PTPRT: variants seen among roughly 807,000 people sequenced by gnomAD.
The protein encoded by PTPRT is protein tyrosine phosphatase receptor type T, also known as receptor-type tyrosine-protein phosphatase T.
In PTPRT, 56 loss-of-function variants were observed where a neutral mutation model predicts 176.8. That is an observed-to-expected ratio of 0.32 (90% CI 0.26 to 0.40). PTPRT has a LOEUF of 0.40. PTPRT is among the 10% of genes least tolerant of loss of function. PTPRT has a pLI of 1.00. For synonymous variants in PTPRT, 783 were observed against 739.0 expected, an observed-to-expected ratio of 1.06 and a Z score of -0.96; for missense variants, 1,540 against 1,908.2, an observed-to-expected ratio of 0.81 and a Z score of 3.60.
In PTPRT at chr20:42,682,422, G is replaced by T. The variant is rs1325840672; in HGVS notation, c.860-4263C>A. ...CTCTTATCAGCACCATCAGATGCTT[G>T]AATTCCTAACAGTTTTTCAAACAAG... On this transcript the variant is annotated intron_variant, in intron 6 of 30. Transcript: ENST00000373187. Among the ~76,000 whole-genome samples the T allele has an allele frequency of 2.6e-5, 4 of 152,254 alleles. No homozygotes were observed. In the South Asian group the frequency reaches 8.3e-4, roughly 32 times the overall value.
intron 12 of PTPRT, among the ~76,000 whole-genome samples, chr20:42,313,017 G>A (rs1308738226): frequency 6.6e-6 from 1 of 151,942 alleles, no homozygotes; most frequent in African/African-American, 2.4e-5. Context: ...TAGGAAGTCG[G>A]TACAAGATAC....
chr20:42,905,263 G>A (rs912150996), intron 1 of PTPRT, among the ~76,000 whole-genome samples: 15 of 152,240 alleles, frequency 9.9e-5, no homozygotes, highest in African/African-American at 3.4e-4. Context: ...AAAGGATATG[G>A]CCAGACACTT....
At chr20:43,123,819 G>A (rs975252952) in intron 1 of PTPRT, among the ~76,000 whole-genome samples, 2 of 152,194 alleles carry the variant, frequency 1.3e-5, no homozygotes, top group South Asian at 4.1e-4. Flanking sequence ...CTCTTTTGTA[G>A]TATATCTTAA....
chr20:42,402,701 G>A (rs918967940), intron 9 of PTPRT, among the ~76,000 whole-genome samples: 1 of 151,988 alleles, frequency 6.6e-6, no homozygotes, highest in African/African-American at 2.4e-5. Context: ...ATAATGCTTG[G>A]TGTGGATTGT....
chr20:42,909,233 A>G (rs2079515921), intron 1 of PTPRT, among the ~76,000 whole-genome samples: 1 of 152,158 alleles, frequency 6.6e-6, no homozygotes, highest in Non-Finnish European at 1.5e-5. Context: ...CCTATCATCT[A>G]TCATTGCTCT....
In PTPRT at chr20:42,885,954, G is replaced by A. The variant is rs371603350; in HGVS notation, c.89-22C>T. On this transcript the variant is annotated intron_variant, in intron 1 of 30. Transcript: ENST00000373187. ...CCACCTGTAGACAAAAGAGATATGG[G>A]TAAATACATTCCCGTGTCTGAGGCT... 4 of 1,580,364 alleles carry A rather than the reference G, an allele frequency of 2.5e-6. No homozygotes were observed. The African/African-American group carries it at 5.4e-5, about 21-fold the overall frequency.
chr20:42,136,199 T>C (rs6130052), intron 18 of PTPRT, among the ~76,000 whole-genome samples: 7,659 of 150,534 alleles, frequency 0.051, 330 homozygotes, highest in East Asian at 0.19. Flanking sequence ...TTTCTTCCTG[T>C]CTTCTGGGCA....
intron 7 of PTPRT, among the ~76,000 whole-genome samples, chr20:42,528,606 CAT>C (rs949517633): frequency 6.6e-6 from 1 of 152,150 alleles, no homozygotes; most frequent in Non-Finnish European, 1.5e-5. Flanking sequence ...TCTGATGAAT[CAT>C]GTGTATGTTA....
chr20:43,026,985 T>G (rs988922870), intron 1 of PTPRT, among the ~76,000 whole-genome samples: 1 of 152,228 alleles, frequency 6.6e-6, no homozygotes, highest in Non-Finnish European at 1.5e-5. Context: ...TGATGGACAC[T>G]CAGTTGCTTC....
At chr20:42,980,571 G>A (rs1169998023) in intron 1 of PTPRT, among the ~76,000 whole-genome samples, 2 of 152,176 alleles carry the variant, frequency 1.3e-5, no homozygotes, top group Non-Finnish European at 2.9e-5. Flanking sequence ...TCTCTAAATG[G>A]TGACAGACTT....
chr20:42,253,876 T>A (rs2056590817), intron 13 of PTPRT, among the ~76,000 whole-genome samples: 1 of 152,170 alleles, frequency 6.6e-6, no homozygotes, highest in Non-Finnish European at 1.5e-5. Flanking sequence ...TGCTGCTGCA[T>A]CCTGCTGTCT....
intron 1 of PTPRT, among the ~76,000 whole-genome samples, chr20:43,098,450 A>C (rs1358320338): frequency 1.3e-5 from 2 of 152,168 alleles, no homozygotes; most frequent in Non-Finnish European, 2.9e-5. Context: ...AATATTACCC[A>C]ATCCCCTAAG....
intron 1 of PTPRT, among the ~76,000 whole-genome samples, chr20:43,060,306 G>T (rs1987403370): frequency 6.6e-6 from 1 of 152,150 alleles, no homozygotes; most frequent in Non-Finnish European, 1.5e-5. Flanking sequence ...GTCTGGTGAG[G>T]ACCTGCGTCC....
intron 1 of PTPRT, among the ~76,000 whole-genome samples, chr20:42,938,424 C>T (rs1328474695): frequency 6.6e-6 from 1 of 152,168 alleles, no homozygotes; most frequent in East Asian, 1.9e-4. Flanking sequence ...TCTTTGCCCT[C>T]TAAGAAAATC....
At chr20:42,933,561 C>T (rs142902471) in intron 1 of PTPRT, among the ~76,000 whole-genome samples, 6 of 152,282 alleles carry the variant, frequency 3.9e-5, no homozygotes, top group African/African-American at 1.4e-4. Flanking sequence ...CTCACCTCCC[C>T]CAAACCCTTC....
At chr20:42,450,781 A>G (rs537427784) in intron 8 of PTPRT, among the ~76,000 whole-genome samples, 1 of 152,290 alleles carries the variant, frequency 6.6e-6, no homozygotes, top group African/African-American at 2.4e-5. Context: ...CTAGAGATAT[A>G]CCAATAACAA....
chr20:42,437,481 G>A (rs2059272279), intron 9 of PTPRT, among the ~76,000 whole-genome samples: 1 of 152,186 alleles, frequency 6.6e-6, no homozygotes, highest in Admixed American at 6.5e-5. Flanking sequence ...TTAAAAACGT[G>A]CATAAAATAA....
chr20:42,108,545 C>T (rs548744571), intron 23 of PTPRT, among the ~76,000 whole-genome samples: 1 of 152,134 alleles, frequency 6.6e-6, no homozygotes, highest in Non-Finnish European at 1.5e-5. Flanking sequence ...TGCTTTGTGC[C>T]TGGATACATA....
chr20:42,319,967 A>G (rs1342738110), intron 11 of PTPRT, among the ~76,000 whole-genome samples: 1 of 152,126 alleles, frequency 6.6e-6, no homozygotes, highest in Non-Finnish European at 1.5e-5. Flanking sequence ...GAGAAGAATA[A>G]CCTAAGACAC....
Sources: gnomAD v4.1 joint callset for allele counts (sites outside exome capture counted in the v4.1 genomes callset) on GRCh38, gnomAD v4.1.1 for gene constraint, MANE v1.5 for transcripts, NCBI Gene and HGNC (gene_info 2026-07-23, HGNC 2026-07-21) for gene names.